Variants in FSD2 observed in about 807,000 individuals in gnomAD.
FSD2 encodes the protein fibronectin type III and SPRY domain containing 2, also known as fibronectin type III and SPRY domain-containing protein 2.
A neutral mutation model predicts 80.4 loss-of-function variants in FSD2; 71 were observed. The observed-to-expected ratio is 0.88, with a 90% CI of 0.73 to 1.08. FSD2 has a LOEUF of 1.08. Ranked by LOEUF, FSD2 falls within the 50% of genes least tolerant of loss-of-function variation. The pLI, the probability that FSD2 is intolerant of heterozygous loss-of-function variation, is 0.00. For missense variants in FSD2, 923 were observed against 913.8 expected (o/e 1.01, Z -0.13); for synonymous variants, 361 against 329.5 (o/e 1.10, Z -1.03).
intron 4 of FSD2, among the ~76,000 whole-genome samples, chr15:82,782,102 AAT>A (rs1481480614): frequency 4.3e-4 from 54 of 124,356 alleles, no homozygotes; most frequent in African/African-American, 1.4e-3. Flanking sequence ...TAATAATAAT[AAT>A]AAAACTCTTG....
At chr15:82,791,192 G>T (rs566559798) in intron 1 of FSD2, among the ~76,000 whole-genome samples, 1 of 151,012 alleles carries the variant, frequency 6.6e-6, no homozygotes, top group African/African-American at 2.4e-5. Context: ...TAGAGATGGG[G>T]TTTCACCGTG....
At chr15:82,782,431 C>T (rs1014418636) in intron 4 of FSD2, among the ~76,000 whole-genome samples, 3 of 152,124 alleles carry the variant, frequency 2.0e-5, no homozygotes, top group Non-Finnish European at 4.4e-5. Flanking sequence ...AACAAAACAA[C>T]AACAACAAAA....
intron 1 of FSD2, among the ~76,000 whole-genome samples, chr15:82,801,070 A>T (rs1244419623): frequency 2.0e-5 from 3 of 152,218 alleles, no homozygotes; most frequent in Non-Finnish European, 4.4e-5. Context: ...CTCAAGGAGC[A>T]GCCCATTCTT....
Position 82,782,973 on chromosome 15 carries a change from A to G in FSD2, c.788T>C (p.Leu263Ser). 1.9e-6 allele frequency: 3 copies of G among 1,613,744 alleles called. No individual in the cohort carries two copies. The South Asian group carries it at 3.3e-5, about 18-fold the overall frequency. The change falls in exon 4 of 13, where the codon TTG (leucine) becomes TCG (serine). Residue 263 changes from leucine (L) to serine (S), a missense_variant. Transcript: ENST00000334574. ...QNFESHYNEI[L>S]ETLAQKYEEK... Reference sequence around the variant, plus strand: ...CTCATATTTTTGAGCAAGTGTTTCCAAGATCTCGTTGTAATGTGACTCAAA... The same window carrying G: ...CTCATATTTTTGAGCAAGTGTTTCCGAGATCTCGTTGTAATGTGACTCAAA...
intron 1 of FSD2, among the ~76,000 whole-genome samples, chr15:82,796,558 A>G (rs573165327): frequency 1.3e-5 from 2 of 152,244 alleles, no homozygotes; most frequent in South Asian, 2.1e-4. Context: ...CTTGACCCTC[A>G]GAAACGATTC....
chr15:82,761,685 ATT>A (rs34491416), intron 12 of FSD2, among the ~76,000 whole-genome samples: 2 of 141,846 alleles, frequency 1.4e-5, no homozygotes, highest in Admixed American at 7.0e-5. Context: ...TTATTTTATT[ATT>A]TTTTTTTTTT....
intron 6 of FSD2, 80 bp from the exon 7 acceptor site, chr15:82,772,308 A>T (rs2049601733): frequency 1.4e-6 from 2 of 1,383,990 alleles, no homozygotes; most frequent in African/African-American, 1.4e-5. Context: ...ATGACCATTG[A>T]TCCCCCCAAT....
At chr15:82,770,585 C>A (rs1340148454) in intron 7 of FSD2, among the ~76,000 whole-genome samples, 1 of 152,186 alleles carries the variant, frequency 6.6e-6, no homozygotes, top group Admixed American at 6.5e-5. Context: ...GCAGGAGAAT[C>A]ACTTGAACCC....
In FSD2 at chr15:82,800,587, G is replaced by A. The variant is rs2050386465; in HGVS notation, c.-79+5379C>T. Among the ~76,000 whole-genome samples, 2 of 150,478 alleles carry A rather than the reference G, an allele frequency of 1.3e-5. 1 individual carries two copies. The highest frequency in any genetic ancestry group is 4.2e-4 in the South Asian group (2 of 4,766). ...GGTGCCTGTAATCCCAGCTACTCGG[G>A]AGGCTGAGGCATGAGAATCGCTTGA... On this transcript the variant is annotated intron_variant, in intron 1 of 12. Transcript: ENST00000334574.
chr15:82,804,414 G>C (rs2050482859), intron 1 of FSD2, among the ~76,000 whole-genome samples: 1 of 152,136 alleles, frequency 6.6e-6, no homozygotes, highest in Non-Finnish European at 1.5e-5. Context: ...GATCTTGTGA[G>C]GATAAAGGAC....
intron 11 of FSD2, among the ~76,000 whole-genome samples, chr15:82,764,103 G>C (rs954648781): frequency 1.3e-5 from 2 of 152,170 alleles, no homozygotes; most frequent in African/African-American, 4.8e-5. Flanking sequence ...CCTTGTTTCT[G>C]TTCTCCCACT....
chr15:82,774,367 C>T (rs1215557039), intron 6 of FSD2, among the ~76,000 whole-genome samples: 3 of 152,182 alleles, frequency 2.0e-5, no homozygotes, highest in Non-Finnish European at 2.9e-5. Context: ...TGAGCCAGCA[C>T]GTCTGGCCAA....
chr15:82,789,475 C>T (rs752486467), intron 1 of FSD2, among the ~76,000 whole-genome samples: 5 of 152,234 alleles, frequency 3.3e-5, no homozygotes, highest in Admixed American at 1.3e-4. Context: ...ATCCTCACAT[C>T]GACCCTATGT....
chr15:82,802,747 C>A (rs76855410), intron 1 of FSD2, among the ~76,000 whole-genome samples: 1,602 of 152,266 alleles, frequency 0.011, 7 homozygotes, highest in Non-Finnish European at 0.016. Context: ...TCCACCAGGT[C>A]TCCTGGTTGC....
chr15:82,774,249 T>C (rs576528394), intron 6 of FSD2, among the ~76,000 whole-genome samples: 1 of 151,898 alleles, frequency 6.6e-6, no homozygotes, highest in African/African-American at 2.4e-5. Flanking sequence ...ATTTTTAAGA[T>C]TTTTTTTGTA....
At chr15:82,759,755 T>C (rs1033636222) in intron 12 of FSD2, among the ~76,000 whole-genome samples, 155 bp from the exon 13 acceptor site, 5 of 152,282 alleles carry the variant, frequency 3.3e-5, no homozygotes, top group African/African-American at 1.2e-4. Context: ...AAAACTATAC[T>C]CTCTAAACTA....
intron 10 of FSD2, 108 bp from the exon 11 acceptor site, chr15:82,765,406 T>A: frequency 6.9e-7 from 1 of 1,445,072 alleles, no homozygotes; most frequent in Non-Finnish European, 9.5e-7. Flanking sequence ...AGCCTGGACC[T>A]GGCCTAGTAA....
chr15:82,800,671 GA>G (rs2050388655), intron 1 of FSD2, among the ~76,000 whole-genome samples: 1 of 122,244 alleles, frequency 8.2e-6, no homozygotes, highest in Admixed American at 9.8e-5. Flanking sequence ...CAGCCTGGGG[GA>G]TAGAGCGAGA....
chr15:82,796,621 A>G (rs2050278150), intron 1 of FSD2, among the ~76,000 whole-genome samples: 1 of 152,216 alleles, frequency 6.6e-6, no homozygotes, highest in South Asian at 2.1e-4. Context: ...ATAATTTGTT[A>G]TGCCACAATA....
Sources: gnomAD v4.1 joint callset for allele counts (sites outside exome capture counted in the v4.1 genomes callset) on GRCh38, gnomAD v4.1.1 for gene constraint, MANE v1.5 for transcripts, NCBI Gene and HGNC (gene_info 2026-07-23, HGNC 2026-07-21) for gene names.